DNAH17: variants seen among roughly 807,000 people sequenced by gnomAD.
DNAH17 encodes dynein axonemal heavy chain 17, also known as axonemal beta dynein heavy chain 17.
Under a neutral mutation model 485.6 loss-of-function variants are expected in DNAH17, and 376 were observed. The observed-to-expected ratio is 0.77, with a 90% confidence interval of 0.71 to 0.84. DNAH17 has a LOEUF of 0.84. DNAH17 is among the 40% of genes least tolerant of loss of function. The probability of loss-of-function intolerance (pLI) is 0.00; values close to 1 mark genes in which losing one functional copy is unlikely to be tolerated. For missense variants in DNAH17, 6,370 were observed against 5,839.3 expected, an observed-to-expected ratio of 1.09 and a Z score of -2.96; for synonymous variants, 3,031 against 2,405.9, an observed-to-expected ratio of 1.26 and a Z score of -7.60.
At chr17:78,431,244 T>C (rs569626185) in intron 75 of DNAH17, among the ~76,000 whole-genome samples, 21 of 152,346 alleles carry the variant, frequency 1.4e-4, no homozygotes, top group Admixed American at 3.9e-4. Context: ...ACTTACAACC[T>C]TCTCTGTCTG....
In DNAH17 at chr17:78,560,812, G is replaced by A; in HGVS notation, c.1959C>T (p.His653=). 1 of 1,551,880 alleles carries A rather than the reference G, an allele frequency of 6.4e-7. No individual in the cohort carries two copies. The highest frequency in any genetic ancestry group is 8.7e-7 in the Non-Finnish European group (1 of 1,147,168). ...GAATCAGCGGCTGCCCCAGGTTAAA[G>A]TGGCAGTCCTGGTCCACGCCCGCCA... ...QWVAGVDQDC[H]FNLGQPLILR... The change falls in exon 13 of 81, where the codon CAC becomes CAT. Residue 653 remains histidine (H), a synonymous_variant. Transcript: ENST00000389840.
intron 30 of DNAH17, among the ~76,000 whole-genome samples, chr17:78,506,356 G>A (rs1335963269): frequency 1.3e-5 from 2 of 151,884 alleles, no homozygotes; most frequent in African/African-American, 2.4e-5. Flanking sequence ...CCTTGCTCTT[G>A]GGACCCTGAG....
chr17:78,432,906 C>CG (rs1009779966), intron 75 of DNAH17, among the ~76,000 whole-genome samples: 3 of 117,424 alleles, frequency 2.6e-5, no homozygotes, highest in South Asian at 3.5e-4. Context: ...AAACGTGCCC[C>CG]CCCCCCCCGA....
At chr17:78,544,070 G>A (rs2091682541) in intron 16 of DNAH17, 73 bp from the exon 17 acceptor site, 10 of 1,599,372 alleles carry the variant, frequency 6.3e-6, no homozygotes, top group Non-Finnish European at 7.7e-6. Flanking sequence ...TTTGCTGTGT[G>A]CTTTTGATGT....
chr17:78,525,865 A>G (rs4969157), intron 24 of DNAH17, among the ~76,000 whole-genome samples: 20,035 of 152,310 alleles, frequency 0.13, 1,720 homozygotes, highest in Middle Eastern at 0.22. Context: ...CCATGAGGAA[A>G]GGTCGGATTG....
At chr17:78,482,690 C>T (rs566041751) in intron 48 of DNAH17, among the ~76,000 whole-genome samples, 2 of 152,310 alleles carry the variant, frequency 1.3e-5, no homozygotes, top group East Asian at 3.9e-4. Flanking sequence ...ACGGGCCCCA[C>T]CCTTGTCTGC....
intron 57 of DNAH17, among the ~76,000 whole-genome samples, chr17:78,462,577 C>G (rs769909722): frequency 1.3e-5 from 2 of 152,170 alleles, no homozygotes; most frequent in Non-Finnish European, 2.9e-5. Context: ...AAATCTCACC[C>G]GACATGGGGC....
At chr17:78,495,226 C>T (rs578151935) in intron 38 of DNAH17, 129 bp from the exon 39 acceptor site, 7 of 1,255,548 alleles carry the variant, frequency 5.6e-6, no homozygotes, top group African/African-American at 4.5e-5. Context: ...GTTGAACCTT[C>T]GGTCCTGGAG....
At chr17:78,546,606 T>C (rs1018342158) in intron 16 of DNAH17, among the ~76,000 whole-genome samples, 1 of 152,286 alleles carries the variant, frequency 6.6e-6, no homozygotes, top group South Asian at 2.1e-4. Context: ...TTTCTCTAAT[T>C]TTGGAAATAA....
intron 11 of DNAH17, among the ~76,000 whole-genome samples, chr17:78,565,568 G>T (rs1390162263): frequency 6.6e-6 from 1 of 152,204 alleles, no homozygotes; most frequent in African/African-American, 2.4e-5. Context: ...ATGGGAGCTG[G>T]TCCGGCTAAA....
intron 69 of DNAH17, 91 bp from the exon 70 acceptor site, chr17:78,445,771 A>T (rs868675297): frequency 2.8e-6 from 4 of 1,438,932 alleles, no homozygotes; most frequent in Middle Eastern, 1.9e-4. Context: ...AGGAGTTCAC[A>T]CTCCCGGCCT....
chr17:78,486,544 C>A, intron 44 of DNAH17, 38 bp from the exon 45 acceptor site: 1 of 1,566,430 alleles, frequency 6.4e-7, no homozygotes, highest in Non-Finnish European at 8.7e-7. Context: ...ACAGCCGCTG[C>A]TCTGGGTCTG....
chr17:78,543,581 C>T (rs1452936831), intron 17 of DNAH17, among the ~76,000 whole-genome samples: 6 of 152,106 alleles, frequency 3.9e-5, no homozygotes, highest in South Asian at 2.1e-4. Flanking sequence ...TGAGCCACCG[C>T]GCCCGGCCAA....
chr17:78,510,538 T>A (rs756229141), intron 26 of DNAH17, 32 bp from the exon 27 acceptor site: 2 of 1,612,414 alleles, frequency 1.2e-6, no homozygotes, highest in Admixed American at 3.3e-5. Context: ...AGGATTCATT[T>A]CAGGTCATGT....
In DNAH17 at chr17:78,464,948, C is replaced by T. The variant is rs556078168; in HGVS notation, c.8940+1707G>A. Among the ~76,000 whole-genome samples, 11 of 152,370 alleles carry T rather than the reference C, an allele frequency of 7.2e-5. No individual in the cohort carries two copies. In the South Asian group the frequency reaches 1.7e-3, roughly 23 times the overall value. ...AATATTACATTAAAACCTCACTTAT[C>T]GCTCTCCCTCTCCCTCTCCCCACGG... On this transcript the variant is annotated intron_variant, in intron 56 of 80. Coordinates refer to ENST00000389840, the MANE Select transcript of DNAH17 (RefSeq NM_173628.4).
At chr17:78,484,096 A>C (rs1202760138) in intron 48 of DNAH17, among the ~76,000 whole-genome samples, 1 of 7,988 alleles carries the variant, frequency 1.3e-4, no homozygotes, top group African/African-American at 8.0e-4. Flanking sequence ...ATTTCTCCTC[A>C]AAAAAAAAAA....
chr17:78,577,071 C>G (rs1010310456), intron 1 of DNAH17, among the ~76,000 whole-genome samples: 1 of 152,126 alleles, frequency 6.6e-6, no homozygotes, highest in African/African-American at 2.4e-5. Flanking sequence ...TTCCCAGGAG[C>G]AGGGAAGAGT....
intron 75 of DNAH17, 77 bp downstream of exon 75, chr17:78,433,951 AG>A (rs370120031): frequency 1.0e-3 from 1,056 of 1,008,798 alleles, no homozygotes; most frequent in Middle Eastern, 2.2e-3. Flanking sequence ...GAGGGAGGGA[AG>A]GAGGGAGGGA....
chr17:78,477,665 C>T (rs2146603844), intron 51 of DNAH17, among the ~76,000 whole-genome samples: 1 of 152,344 alleles, frequency 6.6e-6, no homozygotes, highest in Non-Finnish European at 1.5e-5. Context: ...GCATGAACCA[C>T]TGCACCCGGC....
Sources: gnomAD v4.1 joint callset for allele counts (sites outside exome capture counted in the v4.1 genomes callset) on GRCh38, gnomAD v4.1.1 for gene constraint, MANE v1.5 for transcripts, NCBI Gene and HGNC (gene_info 2026-07-23, HGNC 2026-07-21) for gene names.